ADAMTS19: variants seen among roughly 807,000 people sequenced by gnomAD.
ADAMTS19 encodes ADAM metallopeptidase with thrombospondin type 1 motif 19.
Under a neutral mutation model 153.3 loss-of-function variants are expected in ADAMTS19, and 93 were observed. The ratio of observed to expected loss-of-function variants is 0.61; its 90% CI spans 0.51 to 0.72. ADAMTS19 has a LOEUF of 0.72. ADAMTS19 is among the 30% of genes least tolerant of loss of function. The pLI, the probability that ADAMTS19 is intolerant of heterozygous loss-of-function variation, is 0.00. For synonymous variants in ADAMTS19, 600 were observed against 556.6 expected, an observed-to-expected ratio of 1.08 and a Z score of -1.10; for missense variants, 1,482 against 1,552.1, an observed-to-expected ratio of 0.95 and a Z score of 0.76.
Position 129,641,943 on chromosome 5 carries a change from G to T in ADAMTS19, c.1855G>T (p.Asp619Tyr). ...GCTAGACCCACCAATGGATGGAACT[G>T]ACTGTGACCTTGGTAAGGTAAGTCA... is the stretch of plus-strand genomic sequence containing the variant. ...TKLDPPMDGTDCDLGKWCKAG... is the reference protein window; with the variant it reads ...TKLDPPMDGTYCDLGKWCKAG... Residue 619 changes from aspartate (D) to tyrosine (Y), a missense_variant, in exon 11 of 23, where the codon GAC becomes TAC. Coordinates refer to ENST00000274487, the MANE Select transcript of ADAMTS19 (RefSeq NM_133638.6). 2 of 1,593,966 alleles carry T rather than the reference G, an allele frequency of 1.3e-6. No individual in the cohort carries two copies. Among genetic ancestry groups the T allele is most frequent in the Non-Finnish European group, 1.7e-6 (2 of 1,167,806 alleles).
rs1245016791 is a variant in ADAMTS19 at position 129,579,839 on chromosome 5, C to G, written c.1373-16720C>G. 2.0e-5 allele frequency among the ~76,000 whole-genome samples: 3 copies of G among 152,050 alleles called. No individual in the cohort carries two copies. In the East Asian group the frequency reaches 5.8e-4, roughly 29 times the overall value. On this transcript the variant is annotated intron_variant, in intron 7 of 22. Transcript: ENST00000274487. ...TACCATGCTGTTTTGATTACTATAG[C>G]CTTCTAGTATAGTTTGAAGACAGGT...
intron 18 of ADAMTS19, among the ~76,000 whole-genome samples, chr5:129,685,455 T>C (rs1253002509): frequency 6.6e-6 from 1 of 152,084 alleles, no homozygotes; most frequent in Non-Finnish European, 1.5e-5. Context: ...ATCAACTGTA[T>C]CAAAAGTTGC....
chr5:129,679,104 A>C (rs1754678029), intron 16 of ADAMTS19, among the ~76,000 whole-genome samples: 1 of 152,206 alleles, frequency 6.6e-6, no homozygotes. Context: ...CAAAAAGAAA[A>C]AAAATTATGT....
intron 10 of ADAMTS19, 63 bp from the exon 11 acceptor site, chr5:129,641,796 A>G: frequency 9.7e-7 from 1 of 1,031,106 alleles, no homozygotes; most frequent in Middle Eastern, 2.1e-4. Flanking sequence ...CTTAACAATG[A>G]TTGGCTTCAC....
chr5:129,634,253 C>T (rs1313839528), intron 10 of ADAMTS19, among the ~76,000 whole-genome samples: 1 of 151,934 alleles, frequency 6.6e-6, no homozygotes, highest in Non-Finnish European at 1.5e-5. Flanking sequence ...TCTCTACATG[C>T]AGAAATAGAA....
chr5:129,638,347 C>G lies in ADAMTS19; in HGVS notation c.1771-3512C>G, dbSNP rs184974109. Among the ~76,000 whole-genome samples the G allele has an allele frequency of 1.3e-3, 201 of 152,110 alleles. 2 individuals are homozygous for G. The highest frequency in any genetic ancestry group is 2.9e-4 in the Non-Finnish European group (20 of 67,984). On this transcript the variant is annotated intron_variant, in intron 10 of 22. Transcript: ENST00000274487. ...AGTTTCTATTTTTCAGTTTCATATA[C>G]TTTTCAAGTGTATTGGCATAGACTT...
At position 129,572,806 on chromosome 5, in the gene ADAMTS19, G is replaced by A. The variant is rs73248518; in HGVS notation, c.1372+20899G>A. ...GAATAGCACAAAGAAGTTTTGGGGT[G>A]TGATGGAAATGTTCTGTCCCCTGAT... is the stretch of plus-strand genomic sequence containing the variant. On this transcript the variant is annotated intron_variant, in intron 7 of 22. Transcript: ENST00000274487. 5.2e-3 allele frequency among the ~76,000 whole-genome samples: 786 copies of A among 152,122 alleles called. 4 individuals are homozygous for A. The highest frequency in any genetic ancestry group is 0.018 in the African/African-American group (758 of 41,536).
chr5:129,713,674 T>C (rs1479893056), intron 21 of ADAMTS19, among the ~76,000 whole-genome samples: 1 of 151,852 alleles, frequency 6.6e-6, no homozygotes, highest in Non-Finnish European at 1.5e-5. Context: ...GGCATGATAA[T>C]TGCTTGAACC....
chr5:129,567,247 A>C (rs1753749392), intron 7 of ADAMTS19, among the ~76,000 whole-genome samples: 1 of 152,194 alleles, frequency 6.6e-6, no homozygotes, highest in South Asian at 2.1e-4. Context: ...TAAAAAAATT[A>C]ACATTCTTCA....
Position 129,660,329 on chromosome 5 carries a change from A to G in ADAMTS19, c.2425+1592A>G, listed in dbSNP as rs370887264. On this transcript the variant is annotated intron_variant, in intron 15 of 22. Transcript: ENST00000274487. ...GCTGAAACAGGCTCTCAGACTTTCAACTAAGAAATTTAATTATAATAAGCT... is the reference window on the plus strand; with the variant it reads ...GCTGAAACAGGCTCTCAGACTTTCAGCTAAGAAATTTAATTATAATAAGCT... Among the ~76,000 whole-genome samples, 8 of 152,338 alleles carry G rather than the reference A, an allele frequency of 5.3e-5. No individual in the cohort carries two copies. In the East Asian group the frequency reaches 7.7e-4, roughly 15 times the overall value.
Position 129,528,515 on chromosome 5 carries a change from T to G in ADAMTS19, c.1171-5T>G. The stretch of plus-strand genomic sequence containing the variant: ...TGCCTTGTGATGAGCTCTGTTCTTT[T>G]GCAGCCAGAACTATATATTGGGCAT... On this transcript the variant is annotated splice_polypyrimidine_tract_variant and splice_region_variant and intron_variant, in intron 5 of 22. Transcript: ENST00000274487. The G allele has an allele frequency of 6.4e-7, 1 of 1,568,064 alleles. No homozygotes were observed.
intron 21 of ADAMTS19, among the ~76,000 whole-genome samples, chr5:129,730,623 A>G (rs1417970862): frequency 1.3e-5 from 2 of 152,120 alleles, no homozygotes; most frequent in Admixed American, 6.6e-5. Flanking sequence ...CAAAGGGTCT[A>G]TGTTAAATAC....
intron 16 of ADAMTS19, 94 bp downstream of exon 16, chr5:129,665,673 A>G: frequency 9.8e-7 from 1 of 1,018,380 alleles, no homozygotes; most frequent in Non-Finnish European, 1.4e-6. Flanking sequence ...ATCTGTTTCT[A>G]GTTTTATGTT....
At chr5:129,606,390 T>C (rs532404586) in intron 8 of ADAMTS19, among the ~76,000 whole-genome samples, 1 of 152,232 alleles carries the variant, frequency 6.6e-6, no homozygotes, top group African/African-American at 2.4e-5. Flanking sequence ...CTTTCTCCCC[T>C]TAGTTACTTC....
At position 129,536,772 on chromosome 5, in the gene ADAMTS19, G is replaced by A. The variant is rs184237879; in HGVS notation, c.1328+8095G>A. 4.6e-3 allele frequency among the ~76,000 whole-genome samples: 696 copies of A among 152,214 alleles called. 7 individuals carry two copies. The highest frequency in any genetic ancestry group is 0.016 in the African/African-American group (649 of 41,520). Reference sequence around the variant, plus strand: ...TCATGTCCTTTGTAGGGACATGGATGAAATTGGAAATCATCATTCTCAGTA... The same window carrying A: ...TCATGTCCTTTGTAGGGACATGGATAAAATTGGAAATCATCATTCTCAGTA... On this transcript the variant is annotated intron_variant, in intron 6 of 22. Transcript: ENST00000274487.
chr5:129,507,532 A>G lies in ADAMTS19; in HGVS notation c.748-1545A>G, dbSNP rs544970930. Among the ~76,000 whole-genome samples the G allele has an allele frequency of 2.6e-5, 4 of 152,194 alleles. No homozygotes were observed. The South Asian group carries it at 8.3e-4, about 32-fold the overall frequency. On this transcript the variant is annotated intron_variant, in intron 2 of 22. Coordinates refer to ENST00000274487, the MANE Select transcript of ADAMTS19 (RefSeq NM_133638.6). The stretch of plus-strand genomic sequence containing the variant: ...TATGGAAAATGAAAGAACTTACTTG[A>G]AGTTATTTGAAGGCATATTAAAATT...
At chr5:129,524,192 A>G (rs1470709741) in intron 3 of ADAMTS19, among the ~76,000 whole-genome samples, 1 of 152,286 alleles carries the variant, frequency 6.6e-6, no homozygotes, top group East Asian at 1.9e-4. Flanking sequence ...CAAACCTGAC[A>G]AAAACAAGCA....
intron 21 of ADAMTS19, among the ~76,000 whole-genome samples, chr5:129,733,052 T>G: frequency 6.6e-6 from 1 of 151,870 alleles, no homozygotes; most frequent in Non-Finnish European, 1.5e-5. Context: ...AAAAATGCAA[T>G]GAGGAAAGGA....
At chr5:129,519,231 G>C (rs191838315) in intron 3 of ADAMTS19, among the ~76,000 whole-genome samples, 2 of 152,202 alleles carry the variant, frequency 1.3e-5, no homozygotes, top group Non-Finnish European at 2.9e-5. Flanking sequence ...CAAGGCAGTG[G>C]GTTCCCTTCT....
Sources: gnomAD v4.1 joint callset for allele counts (sites outside exome capture counted in the v4.1 genomes callset) on GRCh38, gnomAD v4.1.1 for gene constraint, MANE v1.5 for transcripts, NCBI Gene and HGNC (gene_info 2026-07-23, HGNC 2026-07-21) for gene names.